ZNF454: variants seen among roughly 807,000 people sequenced by gnomAD.
ZNF454 encodes zinc finger protein 454.
A neutral mutation model predicts 48.2 loss-of-function variants in ZNF454; 30 were observed. That is an observed-to-expected ratio of 0.62 (90% CI 0.47 to 0.84). ZNF454 has a LOEUF of 0.84. ZNF454 is among the 40% of genes least tolerant of loss of function. The probability of loss-of-function intolerance (pLI) is 0.00; values close to 1 mark genes in which losing one functional copy is unlikely to be tolerated. For missense variants in ZNF454, 510 were observed against 623.1 expected (o/e 0.82, Z 1.93); for synonymous variants, 204 against 211.4 (o/e 0.97, Z 0.30).
rs143749551 is a variant in ZNF454, at chr5:178,946,940, A to T, written c.204A>T (p.Lys68Asn). ...PKPDTFSQLE[K>N]REVWMPEDTP... The stretch of plus-strand genomic sequence containing the variant: ...CAGATACGTTTTCCCAGCTAGAAAA[A>T]AGGGAAGTGTGGATGCCAGAGGACA... Residue 68 changes from lysine to asparagine, a missense_variant, in exon 4 of 5, where the codon AAA (lysine) becomes AAT (asparagine). By Grantham distance (94) the Lys-to-Asn change is moderately conservative. This residue lies in a region of ZNF454 where 354 missense variants were observed against 408.9 expected (regional missense o/e 0.87). Coordinates refer to ENST00000519564, the MANE Select transcript of ZNF454 (RefSeq NM_001178089.3). The surrounding 1 kb of genome is among the most constrained non-coding windows in gnomAD (Gnocchi z 4.5). 683 of 1,613,954 alleles carry T rather than the reference A, an allele frequency of 4.2e-4. No individual in the cohort carries two copies. The highest frequency in any genetic ancestry group is 5.6e-4 in the Non-Finnish European group (659 of 1,179,978).
chr5:178,978,954 C>G, the ZNF454 span: 1 of 152,116 alleles, frequency 6.6e-6, no homozygotes, highest in Admixed American at 6.5e-5. Context: ...CTGAACACCA[C>G]AGAAATGATC....
In ZNF454 at chr5:178,944,446, G is replaced by A. The variant is rs1440293907; in HGVS notation, c.33+1622G>A. On this transcript the variant is annotated intron_variant, in intron 2 of 4. Transcript: ENST00000519564. The surrounding 1 kb of genome is among the most constrained non-coding windows in gnomAD (Gnocchi z 4.1). ...TGCCATTCAGCAGACATATGTTAGGGCTGTAAAATGTGCCAGGAATTATGA... is the reference window on the plus strand; with the variant it reads ...TGCCATTCAGCAGACATATGTTAGGACTGTAAAATGTGCCAGGAATTATGA... Among the ~76,000 whole-genome samples the A allele has an allele frequency of 1.3e-5, 2 of 152,182 alleles. No individual in the cohort carries two copies. The highest frequency in any genetic ancestry group is 2.9e-5 in the Non-Finnish European group (2 of 68,040).
chr5:178,982,772 T>A, the ZNF454 span: 1 of 673,840 alleles, frequency 1.5e-6, no homozygotes, highest in Middle Eastern at 3.9e-4. Flanking sequence ...ATGAACAAAG[T>A]AAGAAGGGAA....
intron 4 of ZNF454, among the ~76,000 whole-genome samples, chr5:178,963,575 T>A (rs1337638498): frequency 6.6e-6 from 1 of 151,716 alleles, no homozygotes; most frequent in Non-Finnish European, 1.5e-5. Flanking sequence ...ATCGTCTGTG[T>A]TTGGAATCTA....
chr5:178,947,154 C>G (rs1759372879), intron 4 of ZNF454, among the ~76,000 whole-genome samples, 168 bp downstream of exon 4: 1 of 152,222 alleles, frequency 6.6e-6, no homozygotes, highest in Admixed American at 6.5e-5. Flanking sequence ...CCAGCCTGCA[C>G]TACCAACATG....
intron 1 of ZNF454, 157 bp from the exon 2 acceptor site, chr5:178,942,528 A>G (rs1186628819): frequency 4.7e-6 from 2 of 429,842 alleles, no homozygotes; most frequent in African/African-American, 2.0e-5. Context: ...GGAAAAGTCA[A>G]TGTATAGTAC....
Position 178,965,764 on chromosome 5 carries a change from G to T in ZNF454, c.1360G>T (p.Ala454Ser). 1 of 1,614,094 alleles carries T rather than the reference G, an allele frequency of 6.2e-7. No individual in the cohort carries two copies. The highest frequency in any genetic ancestry group is 8.5e-7 in the Non-Finnish European group (1 of 1,180,010). Residue 454 changes from alanine (A) to serine (S), a missense_variant, in exon 5 of 5, where the codon GCC becomes TCC. Ala to Ser is a moderately conservative substitution (Grantham distance 99). Transcript: ENST00000519564. The surrounding 1 kb of genome is among the most constrained non-coding windows in gnomAD (Gnocchi z 5.2). ...ICEKAFSDHS[A>S]LTQHKRIHTR... ...TGAAAAAGCCTTCAGTGACCATTCAGCCCTTACCCAACATAAGAGAATTCA... is the reference window on the plus strand; with the variant it reads ...TGAAAAAGCCTTCAGTGACCATTCATCCCTTACCCAACATAAGAGAATTCA...
In ZNF454 at chr5:178,941,464, C is replaced by CCAAA. The variant is rs34301209; in HGVS notation, c.-108+22_-108+23insAACA. 148,141 of 456,196 alleles carry CCAAA rather than the reference C, an allele frequency of 0.32. 25,123 individuals carry two copies. The highest frequency in any genetic ancestry group is 0.36 in the Non-Finnish European group (81,870 of 226,764). The allele number at this position is 456,196 out of a possible 1,614,324, so 28.3% of individuals were successfully genotyped here. On this transcript the variant is annotated intron_variant, in intron 1 of 4. Coordinates refer to ENST00000519564, the MANE Select transcript of ZNF454 (RefSeq NM_001178089.3). The surrounding 1 kb of genome is among the most constrained non-coding windows in gnomAD (Gnocchi z 5.5). Reference sequence around the variant, plus strand: ...CGGAATGTATGTCTGAGATTTGATCCCAGAGAGGGAGGACGGCCAGGGGTG... The same window carrying CCAAA: ...CGGAATGTATGTCTGAGATTTGATCCCAAACAGAGAGGGAGGACGGCCAGGGGTG...
chr5:178,985,563 C>A, the ZNF454 span: 30 of 337,520 alleles, frequency 8.9e-5, no homozygotes, highest in African/African-American at 1.3e-4. Flanking sequence ...ATTAGCCGGG[C>A]GTGGTGGCGG....
chr5:178,946,171 CA>C lies in ZNF454; in HGVS notation c.34-186del, dbSNP rs374200740. 2.7e-3 allele frequency among the ~76,000 whole-genome samples: 416 copies of C among 152,226 alleles called. 4 individuals are homozygous for C. The highest frequency in any genetic ancestry group is 9.6e-3 in the African/African-American group (398 of 41,524). On this transcript the variant is annotated intron_variant, in intron 2 of 4. Coordinates refer to ENST00000519564, the MANE Select transcript of ZNF454 (RefSeq NM_001178089.3). This position sits in a 1 kb window ranked among gnomAD's most constrained non-coding sequence, Gnocchi z 4.5. ...ATATATGTTTCTTCAGCGTGGAGAG[CA>C]ATGTCTAGTCCAAGGCTAGGCCCCT...
chr5:178,946,923 T>A lies in ZNF454; in HGVS notation c.187T>A (p.Phe63Ile). 1 of 1,613,970 alleles carries A rather than the reference T, an allele frequency of 6.2e-7. No individual in the cohort carries two copies. Residue 63 changes from phenylalanine to isoleucine, a missense_variant, in exon 4 of 5, where the codon TTT (phenylalanine) becomes ATT (isoleucine). Coordinates refer to ENST00000519564, the MANE Select transcript of ZNF454 (RefSeq NM_001178089.3). The surrounding 1 kb of genome is among the most constrained non-coding windows in gnomAD (Gnocchi z 4.5). The part of the protein sequence containing the change: ...LGLLGPKPDT[F>I]SQLEKREVWM... ...ACTCTTAGGACCCAAACCAGATACG[T>A]TTTCCCAGCTAGAAAAAAGGGAAGT...
chr5:178,946,636 C>CA lies in ZNF454; in HGVS notation c.160+152dup, dbSNP rs1393046966. Reference sequence around the variant, plus strand: ...TTACCTGTCCTTGGTGTCCTGGGCACAGGCCTCTTTTGGAGTCCACTGCGG... The same window carrying CA: ...TTACCTGTCCTTGGTGTCCTGGGCACAAGGCCTCTTTTGGAGTCCACTGCGG... On this transcript the variant is annotated intron_variant, in intron 3 of 4. Transcript: ENST00000519564. This position sits in a 1 kb window ranked among gnomAD's most constrained non-coding sequence, Gnocchi z 4.5. 2.1e-5 allele frequency: 24 copies of CA among 1,162,126 alleles called. No individual in the cohort carries two copies. The highest frequency in any genetic ancestry group is 2.7e-5 in the Non-Finnish European group (23 of 839,324). The allele number at this position is 1,162,126 out of a possible 1,614,324, so 72.0% of individuals were successfully genotyped here. A position where few individuals can be genotyped will look rare whatever the true frequency, so the allele number is the denominator to read the frequency against.
Position 178,965,597 on chromosome 5 carries a change from C to T in ZNF454, c.1193C>T (p.Ser398Phe), listed in dbSNP as rs1478564837. The stretch of plus-strand genomic sequence containing the variant: ...GGGAAAGCTTTCAGGGATAATTCAT[C>T]CTTTGCACGACATCGGAAAATTCAC... ...ECGKAFRDNS[S>F]FARHRKIHTG... The change falls in exon 5 of 5, where the codon TCC becomes TTC. Residue 398 changes from serine to phenylalanine, a missense_variant. This residue lies in a region of ZNF454 where 153 missense variants were observed against 195.8 expected (regional missense o/e 0.78). Coordinates refer to ENST00000519564, the MANE Select transcript of ZNF454 (RefSeq NM_001178089.3). The surrounding 1 kb of genome is among the most constrained non-coding windows in gnomAD (Gnocchi z 5.2). 6.2e-6 allele frequency: 10 copies of T among 1,613,666 alleles called. No individual in the cohort carries two copies. Among genetic ancestry groups the T allele is most frequent in the Non-Finnish European group, 7.6e-6 (9 of 1,179,916 alleles).
At chr5:178,943,003 T>C (rs1759172855) in intron 2 of ZNF454, among the ~76,000 whole-genome samples, 179 bp downstream of exon 2, 1 of 152,048 alleles carries the variant, frequency 6.6e-6, no homozygotes, top group Non-Finnish European at 1.5e-5. Context: ...CTGGTGGGTG[T>C]TGCAGCTGTA....
rs770308691 is a variant in ZNF454, at chr5:178,946,497, C to G, written c.160+12C>G. ...CCTGGTCTCACTGGGTAAGTGGGAC[C>G]CCTGCAAGGTTTCTCTTCACTTTTG... On this transcript the variant is annotated intron_variant, in intron 3 of 4. Transcript: ENST00000519564. The surrounding 1 kb of genome is among the most constrained non-coding windows in gnomAD (Gnocchi z 4.5). 14 of 1,583,168 alleles carry G rather than the reference C, an allele frequency of 8.8e-6. No homozygotes were observed. The highest frequency in any genetic ancestry group is 1.7e-4 in the Middle Eastern group (1 of 5,936).
rs188652014 is a variant in ZNF454 at position 178,941,509 on chromosome 5, C to A, written c.-108+65C>A. 17 of 456,534 alleles carry A rather than the reference C, an allele frequency of 3.7e-5. No individual in the cohort carries two copies. The East Asian group carries it at 1.0e-3, about 28-fold the overall frequency. 28.3% of individuals were successfully genotyped at this position (456,534 alleles called of 1,614,324 possible). A position where few individuals can be genotyped will look rare whatever the true frequency, so the allele number is the denominator to read the frequency against. Reference sequence around the variant, plus strand: ...GGGGTGGTCATCCTGGGCTGAGGGTCGAGTCTGTGAGTGCCTGTGGAGGAG... The same window carrying A: ...GGGGTGGTCATCCTGGGCTGAGGGTAGAGTCTGTGAGTGCCTGTGGAGGAG... On this transcript the variant is annotated intron_variant, in intron 1 of 4. Transcript: ENST00000519564. The surrounding 1 kb of genome is among the most constrained non-coding windows in gnomAD (Gnocchi z 5.5).
rs752300812 is a variant in ZNF454, at chr5:178,965,357, A to T, written c.953A>T (p.His318Leu). The T allele has an allele frequency of 6.2e-7, 1 of 1,614,246 alleles. No individual in the cohort carries two copies. The change falls in exon 5 of 5, where the codon CAC becomes CTC. Residue 318 changes from histidine to leucine, a missense_variant. Around this residue, in one of 3 missense-constraint regions of ZNF454, gnomAD observed 354 missense variants for 408.9 expected, o/e 0.87. Coordinates refer to ENST00000519564, the MANE Select transcript of ZNF454 (RefSeq NM_001178089.3). The surrounding 1 kb of genome is among the most constrained non-coding windows in gnomAD (Gnocchi z 5.2). The part of the protein sequence containing the change: ...AFVCRAHLTK[H>L]QNIHSGEKPY... ...GTGTGCAGGGCACACCTTACCAAAC[A>T]CCAGAATATCCACAGTGGAGAGAAA...
downstream of ZNF454, among the ~76,000 whole-genome samples, chr5:178,970,935 G>C (rs1188124905): frequency 6.6e-6 from 1 of 152,290 alleles, no homozygotes. Flanking sequence ...GCCCCACGTG[G>C]TCCTGGAAAG....
chr5:178,954,554 C>T (rs1397018815), intron 4 of ZNF454, among the ~76,000 whole-genome samples: 1 of 152,176 alleles, frequency 6.6e-6, no homozygotes, highest in Non-Finnish European at 1.5e-5. Flanking sequence ...ATAATTCTTA[C>T]TCAGCTTCAT....
Sources: gnomAD v4.1 joint callset for allele counts (sites outside exome capture counted in the v4.1 genomes callset) on GRCh38, gnomAD v4.1.1 for gene constraint, gnomAD v4.1.1 regional missense constraint, Gnocchi (gnomAD v3.1) non-coding constraint, MANE v1.5 for transcripts, NCBI Gene and HGNC (gene_info 2026-07-23, HGNC 2026-07-21) for gene names.